The following KIF21A variants were observed in gnomAD, a reference collection of about 807,000 sequenced individuals.
KIF21A encodes kinesin family member 21A.
KIF21A carries 114 observed loss-of-function variants against 202.9 expected under a neutral mutation model. That is an observed-to-expected ratio of 0.56 (90% CI 0.48 to 0.66). The LOEUF (loss-of-function observed/expected upper bound fraction) is 0.66, where lower values mean the gene tolerates loss of function less well. KIF21A is among the 30% of genes least tolerant of loss of function. The pLI, the probability that KIF21A is intolerant of heterozygous loss-of-function variation, is 0.00. For missense variants in KIF21A, 1,677 were observed against 1,994.9 expected, an observed-to-expected ratio of 0.84 and a Z score of 3.04; for synonymous variants, 667 against 670.8, an observed-to-expected ratio of 0.99 and a Z score of 0.09.
chr12:39,297,987 T>C (rs569562756), intron 37 of KIF21A, among the ~76,000 whole-genome samples: 16 of 149,724 alleles, frequency 1.1e-4, no homozygotes, highest in Admixed American at 2.0e-4. Context: ...TTTGAGATGA[T>C]TAAATTTCCA....
At chr12:39,332,472 A>AGC in intron 20 of KIF21A, 64 bp from the exon 21 acceptor site, 4 of 1,338,184 alleles carry the variant, frequency 3.0e-6, no homozygotes, top group Non-Finnish European at 4.2e-6. Context: ...AGTACCATCA[A>AGC]ACCCCCCCAC....
chr12:39,369,671 A>C (rs1015932483), intron 3 of KIF21A, 58 bp downstream of exon 3: 3 of 1,334,788 alleles, frequency 2.2e-6, no homozygotes, highest in Non-Finnish European at 3.2e-6. Context: ...ATAAAATCAT[A>C]AACACAGTCT....
chr12:39,436,422 T>TTTTATATATATA lies in KIF21A; in HGVS notation c.44+6504_44+6505insTATATATATAAA, dbSNP rs1424497663. 8.9e-4 allele frequency among the ~76,000 whole-genome samples: 88 copies of TTTTATATATATA among 99,096 alleles called. 2 individuals carry two copies. The highest frequency in any genetic ancestry group is 4.5e-3 in the East Asian group (12 of 2,692). 65.0% of individuals were successfully genotyped at this position (99,096 alleles called of 152,430 possible). On this transcript the variant is annotated intron_variant, in intron 1 of 37. Coordinates refer to ENST00000361418, the MANE Select transcript of KIF21A (RefSeq NM_001173464.2). The stretch of plus-strand genomic sequence containing the variant: ...TCAATAATTATAAGGGTTTACTATA[T>TTTTATATATATA]TATATATATATATATATATATATAT...
intron 1 of KIF21A, among the ~76,000 whole-genome samples, chr12:39,381,827 T>G (rs1950635856): frequency 6.6e-6 from 1 of 152,146 alleles, no homozygotes. Flanking sequence ...CAAAGGGAAA[T>G]CATCCTGGGT....
chr12:39,338,759 C>T (rs983817130), intron 16 of KIF21A, among the ~76,000 whole-genome samples: 2 of 152,134 alleles, frequency 1.3e-5, no homozygotes, highest in African/African-American at 2.4e-5. Context: ...ATTAGGTGTG[C>T]AATAGCATCA....
intron 1 of KIF21A, among the ~76,000 whole-genome samples, chr12:39,435,419 G>A (rs1231333209): frequency 6.6e-6 from 1 of 152,120 alleles, no homozygotes; most frequent in Non-Finnish European, 1.5e-5. Flanking sequence ...GACCCCAAAT[G>A]GCAGAAATTT....
In KIF21A at chr12:39,399,052, C is replaced by G. The variant is rs188903388; in HGVS notation, c.45-28791G>C. On this transcript the variant is annotated intron_variant, in intron 1 of 37. Transcript: ENST00000361418. ...CAGCCTAGGCAACACAGAGAAACCCCATCTCTACAAAAAAATACAAAGTGG... is the reference window on the plus strand; with the variant it reads ...CAGCCTAGGCAACACAGAGAAACCCGATCTCTACAAAAAAATACAAAGTGG... 2.3e-4 allele frequency among the ~76,000 whole-genome samples: 35 copies of G among 152,026 alleles called. 1 individual carries two copies. Among genetic ancestry groups the G allele is most frequent in the Admixed American group, 2.0e-3 (31 of 15,252 alleles).
At chr12:39,360,001 T>C (rs371752902) in intron 7 of KIF21A, among the ~76,000 whole-genome samples, 4 of 151,948 alleles carry the variant, frequency 2.6e-5, no homozygotes, top group Admixed American at 6.6e-5. Flanking sequence ...TCACCACAAA[T>C]TGGAAAGAAG....
chr12:39,336,993 T>C (rs1244936836), intron 17 of KIF21A, 103 bp downstream of exon 17: 1 of 733,008 alleles, frequency 1.4e-6, no homozygotes, highest in Non-Finnish European at 2.4e-6. Flanking sequence ...GTCCTTAACC[T>C]GCAATTAGTA....
rs1025520809 is a variant in KIF21A at position 39,307,633 on chromosome 12, G to A, written c.4374C>T (p.Ala1458=). 1.2e-6 allele frequency: 2 copies of A among 1,613,918 alleles called. No homozygotes were observed. Among genetic ancestry groups the A allele is most frequent in the African/African-American group, 1.3e-5 (1 of 74,914 alleles). The stretch of plus-strand genomic sequence containing the variant: ...AGAGGAAGGTGCCAGTTGGGTTTAG[G>A]GCAATTTGATTGATCTGGTTCTCTC... ...PSGENQINQI[A]LNPTGTFLYA... is the part of the protein sequence containing the mutation. Residue 1458 remains alanine, a synonymous_variant, in exon 34 of 38, where the codon GCC becomes GCT. Transcript: ENST00000361418.
At chr12:39,406,345 A>C (rs1289790235) in intron 1 of KIF21A, among the ~76,000 whole-genome samples, 1 of 152,216 alleles carries the variant, frequency 6.6e-6, no homozygotes, top group African/African-American at 2.4e-5. Context: ...CAATGTCTCT[A>C]TCTGCCCAAT....
chr12:39,337,199 C>T lies in KIF21A; in HGVS notation c.2315G>A (p.Arg772His), dbSNP rs530439474. Residue 772 changes from arginine to histidine, a missense_variant, in exon 17 of 38, where the codon CGC (arginine) becomes CAC (histidine). Around this residue, in one of 3 missense-constraint regions of KIF21A, gnomAD observed 966 missense variants for 1,180.9 expected, o/e 0.82. Transcript: ENST00000361418. ...TTCTTCTTTCATTTGTTTCATTAGGCGAACCTAACCAATTAGGTATAGACA... is the reference window on the plus strand; with the variant it reads ...TTCTTCTTTCATTTGTTTCATTAGGTGAACCTAACCAATTAGGTATAGACA... ...DVMEMKKTKV[R>H]LMKQMKEEQE... 5.0e-6 allele frequency: 8 copies of T among 1,596,430 alleles called. No individual in the cohort carries two copies. Among genetic ancestry groups the T allele is most frequent in the South Asian group, 3.3e-5 (3 of 90,788 alleles).
intron 20 of KIF21A, 31 bp downstream of exon 20, chr12:39,332,560 G>C: frequency 6.3e-7 from 1 of 1,592,336 alleles, no homozygotes; most frequent in South Asian, 1.1e-5. Context: ...GTTAGCTAAG[G>C]GGGAGCGTAT....
intron 33 of KIF21A, among the ~76,000 whole-genome samples, chr12:39,307,947 A>G (rs538123112): frequency 3.2e-4 from 49 of 152,348 alleles, no homozygotes; most frequent in African/African-American, 7.9e-4. Context: ...AAGATTATGA[A>G]TGAATAAAAT....
Position 39,443,040 on chromosome 12 carries a change from G to T in KIF21A, c.-70C>A. On this transcript the variant is annotated 5_prime_UTR_variant, in exon 1 of 38. Coordinates refer to ENST00000361418, the MANE Select transcript of KIF21A (RefSeq NM_001173464.2). ...GAGCTGAGGCGCCACTGGGGCCGCG[G>T]GACTCGGGCGCAGTAGGCTGGGGCG... The T allele has an allele frequency of 6.8e-7, 1 of 1,468,292 alleles. No individual in the cohort carries two copies. The highest frequency in any genetic ancestry group is 9.0e-7 in the Non-Finnish European group (1 of 1,110,370). 91.0% of individuals were successfully genotyped at this position (1,468,292 alleles called of 1,614,324 possible).
chr12:39,411,635 T>G (rs1175166456), intron 1 of KIF21A, among the ~76,000 whole-genome samples: 1 of 152,200 alleles, frequency 6.6e-6, no homozygotes, highest in Non-Finnish European at 1.5e-5. Context: ...CAAGTGGCCC[T>G]CTTGCCTCAG....
chr12:39,322,428 A>C, intron 27 of KIF21A: 2 of 367,798 alleles, frequency 5.4e-6, no homozygotes, highest in Non-Finnish European at 9.6e-6. Context: ...AAAAATTATA[A>C]CCCTTAAGAA....
chr12:39,303,958 G>A (rs191983274), intron 35 of KIF21A, among the ~76,000 whole-genome samples: 121 of 152,064 alleles, frequency 8.0e-4, no homozygotes, highest in African/African-American at 2.8e-3. Flanking sequence ...TTCTTTATCA[G>A]AGGCTAAAGT....
intron 1 of KIF21A, among the ~76,000 whole-genome samples, chr12:39,440,639 C>A (rs963500785): frequency 5.3e-5 from 8 of 152,130 alleles, no homozygotes; most frequent in African/African-American, 1.9e-4. Flanking sequence ...TTTATAAATA[C>A]TAAAGTGCTA....
Sources: gnomAD v4.1 joint callset for allele counts (sites outside exome capture counted in the v4.1 genomes callset) on GRCh38, gnomAD v4.1.1 for gene constraint, gnomAD v4.1.1 regional missense constraint, MANE v1.5 for transcripts, NCBI Gene and HGNC (gene_info 2026-07-23, HGNC 2026-07-21) for gene names.